Variants in GEMIN4 observed in about 807,000 individuals in gnomAD.
The protein encoded by GEMIN4 is gem nuclear organelle associated protein 4, also known as gem-associated protein 4.
GEMIN4 carries 59 observed loss-of-function variants against 76.8 expected under a neutral mutation model. The observed-to-expected ratio is 0.77, with a 90% CI of 0.62 to 0.95. GEMIN4 has a LOEUF of 0.95. Ranked by LOEUF, GEMIN4 falls within the 40% of genes least tolerant of loss-of-function variation. GEMIN4 has a pLI of 0.00. For missense variants in GEMIN4, 1,311 were observed against 1,318.9 expected (o/e 0.99, Z 0.09); for synonymous variants, 562 against 559.7 (o/e 1.00, Z -0.06).
chr17:747,338 C>T lies in GEMIN4; in HGVS notation c.705G>A (p.Arg235=), dbSNP rs368236142. The change falls in exon 2 of 2, where the codon AGG becomes AGA. Residue 235 remains arginine (R), a synonymous_variant. Coordinates refer to ENST00000319004, the MANE Select transcript of GEMIN4 (RefSeq NM_015721.3). ...CCAGGTTGGCCAGCGCACAGCACTT[C>T]CTCCCCGGGCCCAGGATCCGACTCT... ...QIQSRILGPG[R]KCCALANLAD... 1.7e-3 allele frequency: 2,750 copies of T among 1,613,768 alleles called. 58 individuals are homozygous for T. In the South Asian group the frequency reaches 0.029, roughly 17 times the overall value.
chr17:745,977 A>G lies in GEMIN4; in HGVS notation c.2066T>C (p.Leu689Pro). ...GAGTGGAAACGGGGAGCAGGTCTGG[A>G]GCCAGTATTCCTCTCGGCACGCGTT... ...EANACREEYW[L>P]QTCSPFPLLF... The change falls in exon 2 of 2, where the codon CTC becomes CCC. Residue 689 changes from leucine (L) to proline (P), a missense_variant. Transcript: ENST00000319004. The surrounding 1 kb of genome is among the most constrained non-coding windows in gnomAD (Gnocchi z 4.6). 6.2e-7 allele frequency: 1 copy of G among 1,613,358 alleles called. No homozygotes were observed.
rs755480140 is a variant in GEMIN4, at chr17:747,003, C to T, written c.1040G>A (p.Arg347Gln). ...SSQGTSYDSY[R>Q]LCDSLTSFSQ... ...GAAGGAAGTCAGACTGTCGCACAGCCGGTAGCTGTCGTAACTTGTCCCCTG... is the reference window on the plus strand; with the variant it reads ...GAAGGAAGTCAGACTGTCGCACAGCTGGTAGCTGTCGTAACTTGTCCCCTG... The change falls in exon 2 of 2, where the codon CGG (arginine) becomes CAG (glutamine). Residue 347 changes from arginine to glutamine, a missense_variant. By Grantham distance (43) the Arg-to-Gln change is conservative. Coordinates refer to ENST00000319004, the MANE Select transcript of GEMIN4 (RefSeq NM_015721.3). The T allele has an allele frequency of 1.4e-5, 22 of 1,612,912 alleles. No homozygotes were observed. Among genetic ancestry groups the T allele is most frequent in the African/African-American group, 1.1e-4 (8 of 74,862 alleles).
chr17:751,917 G>A (rs1904722278), intron 1 of GEMIN4: 1 of 384,002 alleles, frequency 2.6e-6, no homozygotes, highest in Non-Finnish European at 4.6e-6. Flanking sequence ...TCAAGCGCAG[G>A]GGGCCGGAGG....
rs774823238 is a variant in GEMIN4, at chr17:746,698, G to C, written c.1345C>G (p.Arg449Gly). The change falls in exon 2 of 2, where the codon CGA becomes GGA. Residue 449 changes from arginine to glycine, a missense_variant. Transcript: ENST00000319004. The surrounding 1 kb of genome is among the most constrained non-coding windows in gnomAD (Gnocchi z 4.3). Reference sequence around the variant, plus strand: ...AGCCTCAACACCAAGTCTGGCTGTCGGAAGAGGGCCCTGTTACTCCCCAGG... The same window carrying C: ...AGCCTCAACACCAAGTCTGGCTGTCCGAAGAGGGCCCTGTTACTCCCCAGG... ...ACLGSNRALFRQPDLVLRLLE... is the reference protein window; with the variant it reads ...ACLGSNRALFGQPDLVLRLLE... 1 of 1,613,416 alleles carries C rather than the reference G, an allele frequency of 6.2e-7. No homozygotes were observed. The highest frequency in any genetic ancestry group is 1.3e-5 in the African/African-American group (1 of 74,894).
rs747323335 is a variant in GEMIN4 at position 745,589 on chromosome 17, C to T, written c.2454G>A (p.Trp818Ter). 1 of 1,611,326 alleles carries T rather than the reference C, an allele frequency of 6.2e-7. No homozygotes were observed. The highest frequency in any genetic ancestry group is 1.3e-5 in the African/African-American group (1 of 74,970). The change falls in exon 2 of 2, where the codon TGG becomes TGA. Residue 818 changes from tryptophan to a stop codon, truncating the protein, a stop_gained. Coordinates refer to ENST00000319004, the MANE Select transcript of GEMIN4 (RefSeq NM_015721.3). LOFTEE classifies it high-confidence loss of function. This position sits in a 1 kb window ranked among gnomAD's most constrained non-coding sequence, Gnocchi z 4.6. ...GYGAGTGLLAWMECCCVSSGI... is the reference protein window; with the variant it reads ...GYGAGTGLLA Reference sequence around the variant, plus strand: ...CGCTGGAGACGCAGCAGCACTCCATCCAGGCCAGGAGCCCCGTGCCAGCCC... The same window carrying T: ...CGCTGGAGACGCAGCAGCACTCCATTCAGGCCAGGAGCCCCGTGCCAGCCC...
At position 752,166 on chromosome 17, in the gene GEMIN4, G is replaced by C; in HGVS notation, c.-24C>G. ...ATGGCGGCGACGCCGGCGGCTGCGCGGGGCTAACGCCCCCTCCCCTCCGAG... is the reference window on the plus strand; with the variant it reads ...ATGGCGGCGACGCCGGCGGCTGCGCCGGGCTAACGCCCCCTCCCCTCCGAG... On this transcript the variant is annotated 5_prime_UTR_variant, in exon 1 of 2. Coordinates refer to ENST00000319004, the MANE Select transcript of GEMIN4 (RefSeq NM_015721.3). 2.4e-6 allele frequency: 3 copies of C among 1,234,312 alleles called. No homozygotes were observed. The highest frequency in any genetic ancestry group is 3.0e-6 in the Non-Finnish European group (3 of 988,612). 76.5% of individuals were successfully genotyped at this position (1,234,312 alleles called of 1,614,324 possible).
At chr17:749,625 A>T (rs920897201) in intron 1 of GEMIN4, among the ~76,000 whole-genome samples, 1 of 138,768 alleles carries the variant, frequency 7.2e-6, no homozygotes, top group African/African-American at 2.7e-5. Context: ...CGGCCACAGG[A>T]TAATGGGCAC....
Position 745,238 on chromosome 17 carries a change from G to A in GEMIN4, c.2805C>T (p.Gly935=). The A allele has an allele frequency of 6.2e-7, 1 of 1,610,300 alleles. No homozygotes were observed. The highest frequency in any genetic ancestry group is 8.5e-7 in the Non-Finnish European group (1 of 1,178,720). Residue 935 remains glycine, a synonymous_variant, in exon 2 of 2, where the codon GGC becomes GGT. Coordinates refer to ENST00000319004, the MANE Select transcript of GEMIN4 (RefSeq NM_015721.3). The surrounding 1 kb of genome is among the most constrained non-coding windows in gnomAD (Gnocchi z 4.6). Reference sequence around the variant, plus strand: ...AGAGGAGTTTGACCACGTGGTTCCAGCCTTCCAGAGGAAGCCAATCACGAC... The same window carrying A: ...AGAGGAGTTTGACCACGTGGTTCCAACCTTCCAGAGGAAGCCAATCACGAC... ...HSCRDWLPLE[G]WNHVVKLLCG... is the part of the protein sequence containing the mutation.
intron 1 of GEMIN4, chr17:751,902 TG>T: frequency 2.6e-6 from 1 of 381,266 alleles, no homozygotes; most frequent in Non-Finnish European, 4.6e-6. Flanking sequence ...GTCTGCTCCG[TG>T]TTTTCAAGCG....
intron 1 of GEMIN4, among the ~76,000 whole-genome samples, chr17:750,438 A>T (rs1274549758): frequency 6.6e-6 from 1 of 152,184 alleles, no homozygotes; most frequent in Non-Finnish European, 1.5e-5. Flanking sequence ...GTGCTCAGTA[A>T]ATGTTGGTTT....
chr17:752,066 C>T (rs1335425695), intron 1 of GEMIN4, 67 bp downstream of exon 1: 48 of 1,095,448 alleles, frequency 4.4e-5, no homozygotes, highest in Non-Finnish European at 5.3e-5. Context: ...GGAGACGCGA[C>T]GGGGCAGCAC....
intron 1 of GEMIN4, among the ~76,000 whole-genome samples, chr17:751,401 T>C (rs1212212639): frequency 6.6e-6 from 1 of 151,906 alleles, no homozygotes; most frequent in Non-Finnish European, 1.5e-5. Flanking sequence ...GACCAGACCA[T>C]TTCCCCCCAG....
Position 745,804 on chromosome 17 carries a change from A to T in GEMIN4, c.2239T>A (p.Phe747Ile). The T allele has an allele frequency of 6.2e-7, 1 of 1,612,948 alleles. No homozygotes were observed. Among genetic ancestry groups the T allele is most frequent in the South Asian group, 1.1e-5 (1 of 90,918 alleles). ...GACTTGATCCAGACATCCGGGGAGAAGGTCTCAGCATTGGCTGATACAATC... is the reference window on the plus strand; with the variant it reads ...GACTTGATCCAGACATCCGGGGAGATGGTCTCAGCATTGGCTGATACAATC... ...CEIVSANAET[F>I]SPDVWIKSLS... Residue 747 changes from phenylalanine (F) to isoleucine (I), a missense_variant, in exon 2 of 2, where the codon TTC becomes ATC. This residue lies in a region of GEMIN4 where 1,208 missense variants were observed against 1,166.9 expected (regional missense o/e 1.04). Coordinates refer to ENST00000319004, the MANE Select transcript of GEMIN4 (RefSeq NM_015721.3). The surrounding 1 kb of genome is among the most constrained non-coding windows in gnomAD (Gnocchi z 4.6).
rs774893520 is a variant in GEMIN4 at position 746,013 on chromosome 17, G to C, written c.2030C>G (p.Thr677Ser). Residue 677 changes from threonine (T) to serine (S), a missense_variant, in exon 2 of 2, where the codon ACT (threonine) becomes AGT (serine). Physicochemically the swap from Thr to Ser is moderately conservative, Grantham distance 58 (BLOSUM62 1). Coordinates refer to ENST00000319004, the MANE Select transcript of GEMIN4 (RefSeq NM_015721.3). The surrounding 1 kb of genome is among the most constrained non-coding windows in gnomAD (Gnocchi z 4.3). ...VDLSLRIFIQ[T>S]LEANACREEY... ...CTCTCGGCACGCGTTTGCCTCTAGAGTCTGGATGAAGATCCTCAGACTGAG... is the reference window on the plus strand; with the variant it reads ...CTCTCGGCACGCGTTTGCCTCTAGACTCTGGATGAAGATCCTCAGACTGAG... 3 of 1,613,742 alleles carry C rather than the reference G, an allele frequency of 1.9e-6. No individual in the cohort carries two copies. The highest frequency in any genetic ancestry group is 2.5e-6 in the Non-Finnish European group (3 of 1,179,888).
In GEMIN4 at chr17:745,510, C is replaced by T. The variant is rs200154639; in HGVS notation, c.2533G>A (p.Glu845Lys). 45 of 1,612,194 alleles carry T rather than the reference C, an allele frequency of 2.8e-5. No individual in the cohort carries two copies. Among genetic ancestry groups the T allele is most frequent in the Admixed American group, 8.3e-5 (5 of 60,014 alleles). ...AAGCCTTTGCTGAACAGTCTGACCT[C>T]CTCAGGATTGCCCACGTCCACCACC... is the stretch of plus-strand genomic sequence containing the variant. The part of the protein sequence containing the change: ...LLVVDVGNPE[E>K]VRLFSKGFLV... The change falls in exon 2 of 2, where the codon GAG becomes AAG. Residue 845 changes from glutamate to lysine, a missense_variant. This residue lies in a region of GEMIN4 where 1,208 missense variants were observed against 1,166.9 expected (regional missense o/e 1.04). Coordinates refer to ENST00000319004, the MANE Select transcript of GEMIN4 (RefSeq NM_015721.3). This position sits in a 1 kb window ranked among gnomAD's most constrained non-coding sequence, Gnocchi z 4.6.
chr17:744,726 T>C lies in GEMIN4; in HGVS notation c.*140A>G. On this transcript the variant is annotated 3_prime_UTR_variant, in exon 2 of 2. Transcript: ENST00000319004. ...ATGACTTTTTGTGGACAGTTTCACATAACTGTAAAGTCCAGGCTGCTCGGG... is the reference window on the plus strand; with the variant it reads ...ATGACTTTTTGTGGACAGTTTCACACAACTGTAAAGTCCAGGCTGCTCGGG... The C allele has an allele frequency of 2.5e-6, 2 of 808,224 alleles. No homozygotes were observed. Among genetic ancestry groups the C allele is most frequent in the Non-Finnish European group, 3.8e-6 (2 of 533,252 alleles). 50.1% of individuals were successfully genotyped at this position (808,224 alleles called of 1,614,324 possible). A position where few individuals can be genotyped will look rare whatever the true frequency, so the allele number is the denominator to read the frequency against.
chr17:752,647 C>G (rs909342880), upstream of GEMIN4: 3 of 1,018,300 alleles, frequency 2.9e-6, no homozygotes, highest in Non-Finnish European at 3.5e-6. Flanking sequence ...GCCGCGCCGC[C>G]CCCTCCAGAC....
upstream of GEMIN4, chr17:753,939 C>T (rs1057495074): frequency 6.6e-6 from 1 of 152,274 alleles, no homozygotes; most frequent in Admixed American, 6.5e-5. Flanking sequence ...CAAAAGCCCC[C>T]ACTGGAACAC....
chr17:745,145 T>G lies in GEMIN4; in HGVS notation c.2898A>C (p.Gly966=). The G allele has an allele frequency of 6.2e-7, 1 of 1,607,158 alleles. No individual in the cohort carries two copies. Among genetic ancestry groups the G allele is most frequent in the Non-Finnish European group, 8.5e-7 (1 of 1,177,050 alleles). The change falls in exon 2 of 2, where the codon GGA becomes GGC. Residue 966 remains glycine, a synonymous_variant. Coordinates refer to ENST00000319004, the MANE Select transcript of GEMIN4 (RefSeq NM_015721.3). The surrounding 1 kb of genome is among the most constrained non-coding windows in gnomAD (Gnocchi z 4.6). ...CTTCCTGGGTCAGGTCCTGCTCTGG[T>G]CCTTGAACCCAAGGGCCAGCTGCCT... is the stretch of plus-strand genomic sequence containing the variant. The part of the protein sequence containing the change: ...AIQAAGPWVQ[G]PEQDLTQEAL...
Sources: allele counts gnomAD v4.1 joint callset (sites outside exome capture counted in the v4.1 genomes callset), GRCh38; gene constraint gnomAD v4.1.1; regional missense constraint gnomAD v4.1.1; non-coding constraint Gnocchi (gnomAD v3.1); transcripts MANE v1.5; gene names NCBI Gene and HGNC (gene_info 2026-07-23, HGNC 2026-07-21).